PCDH15: variants seen among roughly 807,000 people sequenced by gnomAD.
PCDH15 encodes the protein protocadherin-15.
Under a neutral mutation model 178.5 loss-of-function variants are expected in PCDH15, and 129 were observed. That is an observed-to-expected ratio of 0.72 (90% CI 0.63 to 0.84). The LOEUF (loss-of-function observed/expected upper bound fraction) is 0.84, where lower values mean the gene tolerates loss of function less well. Among genes scored for constraint, PCDH15 ranks in the 40% least tolerant of loss-of-function variants. The pLI, the probability that PCDH15 is intolerant of heterozygous loss-of-function variation, is 0.00. For synonymous variants in PCDH15, 800 were observed against 732.0 expected, an observed-to-expected ratio of 1.09 and a Z score of -1.50; for missense variants, 2,230 against 2,099.9, an observed-to-expected ratio of 1.06 and a Z score of -1.21.
At chr10:55,190,361 A>G (rs1053823499) in intron 1 of PCDH15, among the ~76,000 whole-genome samples, 1 of 151,404 alleles carries the variant, frequency 6.6e-6, no homozygotes, top group Non-Finnish European at 1.5e-5. Context: ...CCAGGGGTAT[A>G]TATATGAAAA....
At chr10:55,326,222 C>T (rs1444026947) in intron 2 of PCDH15, among the ~76,000 whole-genome samples, 2 of 152,116 alleles carry the variant, frequency 1.3e-5, no homozygotes, top group African/African-American at 2.4e-5. Context: ...ACCCAGAAAT[C>T]CCATTATTGT....
intron 2 of PCDH15, among the ~76,000 whole-genome samples, chr10:55,497,939 T>C (rs1225550876): frequency 2.0e-5 from 3 of 151,940 alleles, no homozygotes; most frequent in African/African-American, 7.2e-5. Context: ...TGGCAATTTC[T>C]AGAATCTTGT....
chr10:53,849,720 C>T (rs1331194482), intron 28 of PCDH15, among the ~76,000 whole-genome samples: 1 of 151,418 alleles, frequency 6.6e-6, no homozygotes, highest in Non-Finnish European at 1.5e-5. Flanking sequence ...AAAAATTAGC[C>T]GGGCATGGTG....
chr10:55,412,384 G>C (rs1006869931), intron 2 of PCDH15, among the ~76,000 whole-genome samples: 9 of 152,070 alleles, frequency 5.9e-5, no homozygotes, highest in Admixed American at 5.3e-4. Context: ...TAAGTTAACA[G>C]GCCTTAGAAA....
At chr10:55,173,341 G>GTGTGTGTT (rs986476786) in intron 1 of PCDH15, among the ~76,000 whole-genome samples, 3 of 145,924 alleles carry the variant, frequency 2.1e-5, no homozygotes, top group Admixed American at 6.8e-5. Flanking sequence ...GTGTGTGTGT[G>GTGTGTGTT]TGTGTATGTG....
intron 2 of PCDH15, among the ~76,000 whole-genome samples, chr10:54,626,732 T>C (rs767879943): frequency 6.6e-6 from 1 of 152,162 alleles, no homozygotes; most frequent in Non-Finnish European, 1.5e-5. Context: ...AGAGTCCCTA[T>C]TGGGGCACTG....
intron 1 of PCDH15, among the ~76,000 whole-genome samples, chr10:54,730,586 G>T (rs191423736): frequency 3.8e-4 from 58 of 151,426 alleles, no homozygotes; most frequent in African/African-American, 1.4e-3. Context: ...AATCAAAGTA[G>T]AACCCAGATA....
upstream of PCDH15, chr10:54,801,287 C>T (rs916880463): frequency 5.3e-5 from 8 of 152,274 alleles, no homozygotes; most frequent in African/African-American, 1.9e-4. Context: ...TAGCTCAGCA[C>T]GTTGATTTCA....
chr10:55,311,154 A>G (rs554585048), intron 1 of PCDH15, among the ~76,000 whole-genome samples: 1 of 152,364 alleles, frequency 6.6e-6, no homozygotes, highest in East Asian at 1.9e-4. Flanking sequence ...ACACTGTTGA[A>G]TAAGAATCAG....
intron 8 of PCDH15, among the ~76,000 whole-genome samples, chr10:54,306,914 T>C (rs992139538): frequency 1.3e-4 from 20 of 149,502 alleles, no homozygotes; most frequent in African/African-American, 4.4e-4. Context: ...TTTAAAAAGT[T>C]ACCAGTATAT....
At chr10:54,141,802 G>T (rs1166816490) in intron 14 of PCDH15, among the ~76,000 whole-genome samples, 2 of 152,174 alleles carry the variant, frequency 1.3e-5, no homozygotes, top group Non-Finnish European at 1.5e-5. Flanking sequence ...GGTTTGAAGA[G>T]TTTGGTGTGA....
chr10:55,130,329 G>T (rs1056579345), intron 2 of PCDH15, among the ~76,000 whole-genome samples: 1 of 152,094 alleles, frequency 6.6e-6, no homozygotes, highest in African/African-American at 2.4e-5. Flanking sequence ...AAGGCCTAAA[G>T]AATAGCTAAT....
At chr10:54,827,258 C>T (rs114712962) in intron 3 of PCDH15, among the ~76,000 whole-genome samples, 175 of 152,216 alleles carry the variant, frequency 1.1e-3, no homozygotes, top group African/African-American at 4.1e-3. Flanking sequence ...TCTCCTGAGT[C>T]CACTAGCCAG....
intron 1 of PCDH15, among the ~76,000 whole-genome samples, chr10:54,757,959 C>A (rs1046539939): frequency 6.6e-6 from 1 of 152,014 alleles, no homozygotes; most frequent in Admixed American, 6.6e-5. Flanking sequence ...ACTGTAAGAC[C>A]CTTCATTGCT....
intron 2 of PCDH15, among the ~76,000 whole-genome samples, chr10:54,948,016 G>C (rs1440321210): frequency 6.6e-6 from 1 of 151,778 alleles, no homozygotes; most frequent in Admixed American, 6.6e-5. Flanking sequence ...TGTATACATT[G>C]ATATTTGTGC....
At chr10:53,961,349 T>G (rs2446608) in intron 22 of PCDH15, among the ~76,000 whole-genome samples, 108,749 of 151,812 alleles carry the variant, frequency 0.72, 39,243 homozygotes, top group East Asian at 0.87. Flanking sequence ...CAGTATTATA[T>G]TAAAAAGAAA....
chr10:54,554,825 C>G (rs182115818), intron 2 of PCDH15, among the ~76,000 whole-genome samples: 2 of 152,260 alleles, frequency 1.3e-5, no homozygotes, highest in East Asian at 3.9e-4. Flanking sequence ...CAATTCCTAA[C>G]TGAACATTTT....
chr10:55,508,293 A>T (rs1054603257), intron 2 of PCDH15, among the ~76,000 whole-genome samples: 1 of 151,672 alleles, frequency 6.6e-6, no homozygotes, highest in Non-Finnish European at 1.5e-5. Context: ...CCATTTTTTT[A>T]CCCTTTCATA....
chr10:54,472,287 C>CAAAA (rs201074584), intron 3 of PCDH15, among the ~76,000 whole-genome samples: 1 of 120,336 alleles, frequency 8.3e-6, no homozygotes, highest in African/African-American at 2.8e-5. Flanking sequence ...AAATGTTATG[C>CAAAA]AAAAAAAAAA....
Sources: allele counts gnomAD v4.1 joint callset (sites outside exome capture counted in the v4.1 genomes callset), GRCh38; gene constraint gnomAD v4.1.1; transcripts MANE v1.5; gene names NCBI Gene and HGNC (gene_info 2026-07-23, HGNC 2026-07-21).